WDR27: variants seen among roughly 807,000 people sequenced by gnomAD.
WDR27 encodes WD repeat domain 27, also known as WD repeat-containing protein 27.
WDR27 carries 100 observed loss-of-function variants against 114.4 expected under a neutral mutation model. That is an observed-to-expected ratio of 0.87 (90% CI 0.74 to 1.03). WDR27 has a LOEUF of 1.03. Among genes scored for constraint, WDR27 ranks in the 50% least tolerant of loss-of-function variants. The pLI is 0.00. For synonymous variants in WDR27, 449 were observed against 423.1 expected, an observed-to-expected ratio of 1.06 and a Z score of -0.75; for missense variants, 1,129 against 1,092.9, an observed-to-expected ratio of 1.03 and a Z score of -0.47.
chr6:169,609,638 G>C (rs572344281), intron 22 of WDR27, among the ~76,000 whole-genome samples: 1 of 152,312 alleles, frequency 6.6e-6, no homozygotes, highest in Non-Finnish European at 1.5e-5. Context: ...TTTCCTCCCA[G>C]ACCTCTGGGT....
At chr6:169,481,445 G>C (rs143706361) in intron 25 of WDR27, among the ~76,000 whole-genome samples, 1 of 152,216 alleles carries the variant, frequency 6.6e-6, no homozygotes, top group Admixed American at 6.5e-5. Context: ...GCAGCAACCT[G>C]CTCGGGTTCC....
In WDR27 at chr6:169,665,560, G is replaced by A. The variant is rs556303126; in HGVS notation, c.713-4C>T. 209 of 1,612,038 alleles carry A rather than the reference G, an allele frequency of 1.3e-4. No individual in the cohort carries two copies. In the South Asian group the frequency reaches 2.2e-3, roughly 17 times the overall value. ...AATAAACTGAGAAGAGGATATGCTG[G>A]TGAAAGGAACATCGGAAAATTTAGC... On this transcript the variant is annotated splice_polypyrimidine_tract_variant and splice_region_variant and intron_variant, in intron 6 of 25. Coordinates refer to ENST00000448612, the MANE Select transcript of WDR27 (RefSeq NM_182552.5).
chr6:169,469,544 C>G (rs751208834), intron 25 of WDR27, among the ~76,000 whole-genome samples: 10 of 152,214 alleles, frequency 6.6e-5, no homozygotes, highest in Admixed American at 1.3e-4. Flanking sequence ...ATTCCTGACC[C>G]ACTAAAGCCA....
chr6:169,574,051 C>T (rs1413986452), intron 24 of WDR27, among the ~76,000 whole-genome samples: 1 of 152,270 alleles, frequency 6.6e-6, no homozygotes, highest in Non-Finnish European at 1.5e-5. Context: ...CCTCAGATGT[C>T]CAACAAACTG....
intron 17 of WDR27, among the ~76,000 whole-genome samples, chr6:169,643,213 A>T (rs929594622): frequency 6.6e-6 from 1 of 152,190 alleles, no homozygotes; most frequent in African/African-American, 2.4e-5. Flanking sequence ...ATGGGATTAG[A>T]ATTAGGAATC....
At chr6:169,528,481 C>T (rs1795203782) in intron 25 of WDR27, among the ~76,000 whole-genome samples, 1 of 152,192 alleles carries the variant, frequency 6.6e-6, no homozygotes, top group Non-Finnish European at 1.5e-5. Flanking sequence ...TAGGCCCATC[C>T]AGCCTGGGCA....
At chr6:169,452,971 C>T (rs534669125), downstream of WDR27, among the ~76,000 whole-genome samples, 172 of 152,314 alleles carry the variant, frequency 1.1e-3, no homozygotes, top group Middle Eastern at 3.4e-3. Flanking sequence ...GTCAGCTTCC[C>T]CGGCCTCCCT....
rs7744717 is a variant in WDR27, at chr6:169,649,254, C to A, written c.1503G>T (p.Lys501Asn). The A allele has an allele frequency of 1.1e-5, 18 of 1,575,492 alleles. 1 individual carries two copies. The East Asian group carries it at 3.5e-4, about 30-fold the overall frequency. The change falls in exon 15 of 26, where the codon AAG becomes AAT. Residue 501 changes from lysine to asparagine, a missense_variant. Physicochemically the swap from Lys to Asn is moderately conservative, Grantham distance 94. Transcript: ENST00000448612. ...SAPHVTMFSP[K>N]TNIKSEGKGS... ...CTTTCCCCTCACTCTTGATGTTGGT[C>A]TTTGGTGAAAACATAGTTACACTGT... is the stretch of plus-strand genomic sequence containing the variant.
At chr6:169,521,064 C>A (rs1439574955) in intron 25 of WDR27, among the ~76,000 whole-genome samples, 1 of 152,008 alleles carries the variant, frequency 6.6e-6, no homozygotes, top group Non-Finnish European at 1.5e-5. Flanking sequence ...CGATTTCACT[C>A]AAATAAAGCT....
In WDR27 at chr6:169,622,820, C is replaced by A. The variant is rs919178558; in HGVS notation, c.2224-9164G>T. ...AGAAACCTGACCTAACCAGCTCTAT[C>A]TTGCTTCTAACCTCCAAGCCGTCCT... On this transcript the variant is annotated intron_variant, in intron 21 of 25. Coordinates refer to ENST00000448612, the MANE Select transcript of WDR27 (RefSeq NM_182552.5). Among the ~76,000 whole-genome samples, 10 of 152,218 alleles carry A rather than the reference C, an allele frequency of 6.6e-5. No individual in the cohort carries two copies. The East Asian group carries it at 1.2e-3, about 18-fold the overall frequency.
chr6:169,503,598 A>G (rs968627726), intron 25 of WDR27, among the ~76,000 whole-genome samples: 5 of 152,162 alleles, frequency 3.3e-5, no homozygotes, highest in African/African-American at 9.7e-5. Context: ...AAAGAAGATG[A>G]GAGAGTTTGA....
At chr6:169,681,241 T>C (rs1781449211) in intron 2 of WDR27, among the ~76,000 whole-genome samples, 2 of 152,224 alleles carry the variant, frequency 1.3e-5, no homozygotes, top group African/African-American at 4.8e-5. Context: ...TGGATCTCAA[T>C]TATCCTGAGT....
intron 25 of WDR27, among the ~76,000 whole-genome samples, chr6:169,500,430 GCTAT>G (rs1378734554): frequency 1.3e-5 from 2 of 152,108 alleles, no homozygotes; most frequent in South Asian, 4.1e-4. Flanking sequence ...AAATCCAGGA[GCTAT>G]CTGTTTTCTC....
rs569900005 is a variant in WDR27 at position 169,659,358 on chromosome 6, G to T, written c.1197+93C>A. 1.3e-6 allele frequency: 2 copies of T among 1,580,516 alleles called. No homozygotes were observed. The highest frequency in any genetic ancestry group is 1.7e-6 in the Non-Finnish European group (2 of 1,156,884). ...AAAACGTTTTTACACACAAAATCCC[G>T]TTTACTCAGCCAGTCGTTACAGGAT... On this transcript the variant is annotated intron_variant, in intron 11 of 25. Transcript: ENST00000448612. This position sits in a 1 kb window ranked among gnomAD's most constrained non-coding sequence, Gnocchi z 4.3.
intron 21 of WDR27, among the ~76,000 whole-genome samples, chr6:169,625,594 TCA>T (rs1216748871): frequency 6.6e-6 from 1 of 152,200 alleles, no homozygotes; most frequent in Non-Finnish European, 1.5e-5. Flanking sequence ...GTCCTGTGTC[TCA>T]GAGTCAGCCC....
At chr6:169,467,208 C>T (rs922183282) in intron 25 of WDR27, among the ~76,000 whole-genome samples, 15 of 152,212 alleles carry the variant, frequency 9.9e-5, no homozygotes, top group African/African-American at 2.2e-4. Flanking sequence ...GCTGTTTTCA[C>T]GGGCTAGAAC....
intron 1 of WDR27, among the ~76,000 whole-genome samples, chr6:169,691,922 A>C (rs1252624316): frequency 1.3e-5 from 2 of 152,220 alleles, no homozygotes; most frequent in African/African-American, 4.8e-5. Flanking sequence ...TCATACTGTG[A>C]AGTTTTGTTC....
At chr6:169,469,611 G>T (rs1207175400) in intron 25 of WDR27, among the ~76,000 whole-genome samples, 1 of 152,194 alleles carries the variant, frequency 6.6e-6, no homozygotes, top group African/African-American at 2.4e-5. Context: ...TGGGGCCTGT[G>T]GTGGGAGTGG....
intron 25 of WDR27, among the ~76,000 whole-genome samples, chr6:169,481,356 G>C (rs925140725): frequency 6.6e-6 from 1 of 152,194 alleles, no homozygotes; most frequent in Admixed American, 6.5e-5. Context: ...GGACCAATCA[G>C]CTCTCTGTAA....
Sources: allele counts gnomAD v4.1 joint callset (sites outside exome capture counted in the v4.1 genomes callset), GRCh38; gene constraint gnomAD v4.1.1; non-coding constraint Gnocchi (gnomAD v3.1); transcripts MANE v1.5; gene names NCBI Gene and HGNC (gene_info 2026-07-23, HGNC 2026-07-21).